The following MEF2D variants were observed in gnomAD, a reference collection of about 807,000 sequenced individuals.
The protein encoded by MEF2D is myocyte-specific enhancer factor 2D.
Under a neutral mutation model 59.3 loss-of-function variants are expected in MEF2D, and 10 were observed. The ratio of observed to expected loss-of-function variants is 0.17; its 90% CI spans 0.10 to 0.29. The LOEUF (loss-of-function observed/expected upper bound fraction) is 0.29, where lower values mean the gene tolerates loss of function less well. MEF2D is among the 10% of genes least tolerant of loss of function. The probability of loss-of-function intolerance (pLI) is 1.00; values close to 1 mark genes in which losing one functional copy is unlikely to be tolerated. For synonymous variants in MEF2D, 305 were observed against 295.0 expected, an observed-to-expected ratio of 1.03 and a Z score of -0.35; for missense variants, 508 against 699.4, an observed-to-expected ratio of 0.73 and a Z score of 3.09.
chr1:156,497,553 A>G (rs1673202624), intron 1 of MEF2D, among the ~76,000 whole-genome samples: 1 of 152,204 alleles, frequency 6.6e-6, no homozygotes, highest in Admixed American at 6.5e-5. Context: ...CCTGTGTCCA[A>G]GAGGTCAAGG....
chr1:156,489,366 G>A (rs950308630), intron 1 of MEF2D, among the ~76,000 whole-genome samples: 1 of 152,160 alleles, frequency 6.6e-6, no homozygotes, highest in Non-Finnish European at 1.5e-5. Context: ...GCTCACTAAC[G>A]AGGGAGGAGG....
chr1:156,483,524 G>C (rs1672160668), intron 1 of MEF2D, 94 bp from the exon 2 acceptor site: 3 of 572,854 alleles, frequency 5.2e-6, no homozygotes, highest in Non-Finnish European at 9.3e-6. Flanking sequence ...GCCCCTGTGA[G>C]AGGCTGGCAG....
At position 156,467,591 on chromosome 1, in the gene MEF2D, G is replaced by A. The variant is rs553751129; in HGVS notation, c.*54C>T. On this transcript the variant is annotated 3_prime_UTR_variant, in exon 12 of 12. Transcript: ENST00000348159. ...GAGCCCGGGGCAGGGAAGGGCGGGCGGTGAGATTGTCAACTCTTCATCAGG... is the reference window on the plus strand; with the variant it reads ...GAGCCCGGGGCAGGGAAGGGCGGGCAGTGAGATTGTCAACTCTTCATCAGG... The A allele has an allele frequency of 1.9e-5, 25 of 1,307,388 alleles. No individual in the cohort carries two copies. The highest frequency in any genetic ancestry group is 1.5e-4 in the Admixed American group (5 of 33,022). 81.0% of individuals were successfully genotyped at this position (1,307,388 alleles called of 1,614,324 possible).
rs917914556 is a variant in MEF2D at position 156,477,021 on chromosome 1, C to T, written c.846G>A (p.Met282Ile). 14 of 1,613,774 alleles carry T rather than the reference C, an allele frequency of 8.7e-6. No homozygotes were observed. Among genetic ancestry groups the T allele is most frequent in the Non-Finnish European group, 1.1e-5 (13 of 1,179,862 alleles). ...CCAGACACCCACTTACCAAGTGATG[C>T]ATTAACCCCTTTCCTGCCTGGGAAG... ...VITSQAGKGL[M>I]HHLTEDHLDL... The change falls in exon 7 of 12, where the codon ATG becomes ATA. Residue 282 changes from methionine to isoleucine, a missense_variant. Physicochemically the swap from Met to Ile is conservative, Grantham distance 10. Transcript: ENST00000348159.
In MEF2D at chr1:156,468,432, G is replaced by A. The variant is rs533954808; in HGVS notation, c.1248-133C>T. 1 of 678,138 alleles carries A rather than the reference G, an allele frequency of 1.5e-6. No homozygotes were observed. Among genetic ancestry groups the A allele is most frequent in the South Asian group, 2.0e-5 (1 of 49,716 alleles). The allele number at this position is 678,138 out of a possible 1,614,324, so 42.0% of individuals were successfully genotyped here. A position where few individuals can be genotyped will look rare whatever the true frequency, so the allele number is the denominator to read the frequency against. ...AGAATATGGGGGATGGGGTGTTGGG[G>A]AGAGGCAATTGGATGGAGAGTGATC... On this transcript the variant is annotated intron_variant, in intron 10 of 11. Coordinates refer to ENST00000348159, the MANE Select transcript of MEF2D (RefSeq NM_005920.4). This position sits in a 1 kb window ranked among gnomAD's most constrained non-coding sequence, Gnocchi z 4.3.
Position 156,479,579 on chromosome 1 carries a change from C to T in MEF2D, c.607+7G>A, listed in dbSNP as rs1671847670. The T allele has an allele frequency of 6.5e-7, 1 of 1,550,124 alleles. No homozygotes were observed. The highest frequency in any genetic ancestry group is 8.7e-7 in the Non-Finnish European group (1 of 1,146,962). ...CACCTCACCTACCCACCTGCCAGCC[C>T]ACTCACCCGCACTAGCTGGCCGCTG... is the stretch of plus-strand genomic sequence containing the variant. On this transcript the variant is annotated splice_region_variant and intron_variant, in intron 5 of 11. Transcript: ENST00000348159.
chr1:156,490,766 C>T (rs1672740719), intron 1 of MEF2D, among the ~76,000 whole-genome samples: 1 of 152,220 alleles, frequency 6.6e-6, no homozygotes, highest in Non-Finnish European at 1.5e-5. Flanking sequence ...CCGCCCTCTT[C>T]TCCCTGGCAA....
chr1:156,484,032 C>T (rs899164926), intron 1 of MEF2D: 2 of 152,256 alleles, frequency 1.3e-5, no homozygotes, highest in African/African-American at 4.8e-5. Flanking sequence ...CTCCCTTCAA[C>T]TAGAGTTCCT....
At chr1:156,475,590 T>C (rs1671516974) in intron 8 of MEF2D, among the ~76,000 whole-genome samples, 2 of 152,180 alleles carry the variant, frequency 1.3e-5, no homozygotes, top group African/African-American at 2.4e-5. Context: ...TCTCCATCCA[T>C]CACACTGCAG....
In MEF2D at chr1:156,468,288, G is replaced by A. The variant is rs779374033; in HGVS notation, c.1259C>T (p.Pro420Leu). ...VSLSNLIPGS[P>L]LPHVGAALTV... Reference sequence around the variant, plus strand: ...GAGGGCAGCACCCACGTGGGGCAGGGGGCTGCCCGGGCTGGAGGCAGGCAA... The same window carrying A: ...GAGGGCAGCACCCACGTGGGGCAGGAGGCTGCCCGGGCTGGAGGCAGGCAA... The change falls in exon 11 of 12, where the codon CCC (proline) becomes CTC (leucine). Residue 420 changes from proline to leucine, a missense_variant. Pro to Leu is a moderately conservative substitution (Grantham distance 98). Around this residue, in one of 2 missense-constraint regions of MEF2D, gnomAD observed 481 missense variants for 584.7 expected, o/e 0.82. Coordinates refer to ENST00000348159, the MANE Select transcript of MEF2D (RefSeq NM_005920.4). This position sits in a 1 kb window ranked among gnomAD's most constrained non-coding sequence, Gnocchi z 4.3. 1 of 1,547,478 alleles carries A rather than the reference G, an allele frequency of 6.5e-7. No individual in the cohort carries two copies. Among genetic ancestry groups the A allele is most frequent in the Non-Finnish European group, 8.7e-7 (1 of 1,146,494 alleles).
rs1188672266 is a variant in MEF2D, at chr1:156,467,471, AT to A, written c.*173del. Reference sequence around the variant, plus strand: ...AAAGCGAGAATCCAAATTAAAAAAAATATAATAATAATAATAATAATATAAT... The same window carrying A: ...AAAGCGAGAATCCAAATTAAAAAAAAATAATAATAATAATAATAATATAAT... On this transcript the variant is annotated 3_prime_UTR_variant, in exon 12 of 12. Coordinates refer to ENST00000348159, the MANE Select transcript of MEF2D (RefSeq NM_005920.4). 7 of 316,256 alleles carry A rather than the reference AT, an allele frequency of 2.2e-5. No homozygotes were observed. The highest frequency in any genetic ancestry group is 1.2e-4 in the East Asian group (2 of 16,536). The allele number at this position is 316,256 out of a possible 1,614,324, so 19.6% of individuals were successfully genotyped here.
chr1:156,468,677 G>T lies in MEF2D; in HGVS notation c.1247+103C>A. 6.6e-7 allele frequency: 1 copy of T among 1,521,902 alleles called. No individual in the cohort carries two copies. 94.3% of individuals were successfully genotyped at this position (1,521,902 alleles called of 1,614,324 possible). ...TGTGCAGTGCACAGCCTCATAGGAT[G>T]TCCACTAGAACCCTGCAGGGAACCC... On this transcript the variant is annotated intron_variant, in intron 10 of 11. Coordinates refer to ENST00000348159, the MANE Select transcript of MEF2D (RefSeq NM_005920.4). The surrounding 1 kb of genome is among the most constrained non-coding windows in gnomAD (Gnocchi z 4.3).
Position 156,468,343 on chromosome 1 carries a change from A to AG in MEF2D, c.1248-45dup. ...AATGGGGTACAAGGGATAAAAACAG[A>AG]GGGGGTGAGTGACAGAACAAGTGAT... On this transcript the variant is annotated intron_variant, in intron 10 of 11. Coordinates refer to ENST00000348159, the MANE Select transcript of MEF2D (RefSeq NM_005920.4). The surrounding 1 kb of genome is among the most constrained non-coding windows in gnomAD (Gnocchi z 4.3). The AG allele has an allele frequency of 1.4e-6, 2 of 1,399,408 alleles. No homozygotes were observed. Among genetic ancestry groups the AG allele is most frequent in the Non-Finnish European group, 9.7e-7 (1 of 1,028,174 alleles). 86.7% of individuals were successfully genotyped at this position (1,399,408 alleles called of 1,614,324 possible).
chr1:156,468,702 C>T lies in MEF2D; in HGVS notation c.1247+78G>A, dbSNP rs1429476050. 17 of 1,556,658 alleles carry T rather than the reference C, an allele frequency of 1.1e-5. No individual in the cohort carries two copies. In the East Asian group the frequency reaches 3.6e-4, roughly 33 times the overall value. ...GTCCACTAGAACCCTGCAGGGAACC[C>T]AGCTCCCAAGAGGTCCCTCCTCTTC... On this transcript the variant is annotated intron_variant, in intron 10 of 11. Transcript: ENST00000348159. The surrounding 1 kb of genome is among the most constrained non-coding windows in gnomAD (Gnocchi z 4.3).
chr1:156,488,519 CA>C (rs1240677760), intron 1 of MEF2D, among the ~76,000 whole-genome samples: 1 of 152,134 alleles, frequency 6.6e-6, no homozygotes, highest in Non-Finnish European at 1.5e-5. Flanking sequence ...AGAAGGACCC[CA>C]CTGATAGCCA....
chr1:156,498,531 C>T (rs1489511288), intron 1 of MEF2D, among the ~76,000 whole-genome samples: 3 of 152,052 alleles, frequency 2.0e-5, no homozygotes, highest in Non-Finnish European at 4.4e-5. Context: ...GCTGTGTGAT[C>T]TCAGGTAAAA....
chr1:156,479,169 C>T (rs1671814148), intron 6 of MEF2D, 121 bp downstream of exon 6: 2 of 748,948 alleles, frequency 2.7e-6, no homozygotes, highest in Non-Finnish European at 4.1e-6. Context: ...GACTCTTCAT[C>T]CAGTCCTGGC....
intron 1 of MEF2D, among the ~76,000 whole-genome samples, chr1:156,490,096 T>TG (rs945418200): frequency 8.5e-5 from 13 of 152,054 alleles, no homozygotes; most frequent in African/African-American, 2.9e-4. Context: ...ACAAAAGAAG[T>TG]GGGGGGCATT....
At position 156,468,102 on chromosome 1, in the gene MEF2D, T is replaced by G; in HGVS notation, c.1445A>C (p.Asp482Ala). ...SPAGGSYETG[D>A]RDDGRGDFGP... ...GAAGTCCCCCCGTCCGTCATCCCGG[T>G]CTCCCGTCTCATAGGATCCCCCGGC... The change falls in exon 11 of 12, where the codon GAC becomes GCC. Residue 482 changes from aspartate to alanine, a missense_variant. By Grantham distance (126) the Asp-to-Ala change is moderately radical (BLOSUM62 -2). Coordinates refer to ENST00000348159, the MANE Select transcript of MEF2D (RefSeq NM_005920.4). This position sits in a 1 kb window ranked among gnomAD's most constrained non-coding sequence, Gnocchi z 4.3. 6.2e-7 allele frequency: 1 copy of G among 1,613,932 alleles called. No individual in the cohort carries two copies. Among genetic ancestry groups the G allele is most frequent in the Non-Finnish European group, 8.5e-7 (1 of 1,179,954 alleles).
Sources: allele counts gnomAD v4.1 joint callset (sites outside exome capture counted in the v4.1 genomes callset), GRCh38; gene constraint gnomAD v4.1.1; regional missense constraint gnomAD v4.1.1; non-coding constraint Gnocchi (gnomAD v3.1); transcripts MANE v1.5; gene names NCBI Gene and HGNC (gene_info 2026-07-23, HGNC 2026-07-21).